TBC1D19: variants seen among roughly 807,000 people sequenced by gnomAD.
TBC1D19 encodes TBC1 domain family member 19.
Under a neutral mutation model 89.0 loss-of-function variants are expected in TBC1D19, and 60 were observed. The ratio of observed to expected loss-of-function variants is 0.67; its 90% CI spans 0.55 to 0.84. TBC1D19 has a LOEUF of 0.84. TBC1D19 is among the 40% of genes least tolerant of loss of function. The pLI is 0.00. For missense variants in TBC1D19, 500 were observed against 610.8 expected, an observed-to-expected ratio of 0.82 and a Z score of 1.91; for synonymous variants, 189 against 199.7, an observed-to-expected ratio of 0.95 and a Z score of 0.45.
At chr4:26,620,567 C>A in intron 3 of TBC1D19, 46 bp from the exon 4 acceptor site, 1 of 1,530,746 alleles carries the variant, frequency 6.5e-7, no homozygotes, top group Non-Finnish European at 9.0e-7. Context: ...TAATATCTAA[C>A]CAAGAGAATA....
rs188936244 is a variant in TBC1D19, at chr4:26,608,646, T to A, written c.100-4523T>A. ...AGTTTTTAAAAAATTCTTTAAATTGTCTTCTCTCCGAATCATTTTCAAATG... is the reference window on the plus strand; with the variant it reads ...AGTTTTTAAAAAATTCTTTAAATTGACTTCTCTCCGAATCATTTTCAAATG... On this transcript the variant is annotated intron_variant, in intron 1 of 20. Transcript: ENST00000264866. Among the ~76,000 whole-genome samples, 117 of 152,284 alleles carry A rather than the reference T, an allele frequency of 7.7e-4. 1 individual carries two copies. The highest frequency in any genetic ancestry group is 2.5e-3 in the African/African-American group (105 of 41,574).
chr4:26,592,873 TGGG>T (rs1739915400), intron 1 of TBC1D19, among the ~76,000 whole-genome samples: 1 of 152,224 alleles, frequency 6.6e-6, no homozygotes, highest in Admixed American at 6.5e-5. Flanking sequence ...TCCATGCTCA[TGGG>T]TGGGAAGAAT....
Position 26,683,675 on chromosome 4 carries a change from G to A in TBC1D19, c.817G>A (p.Asp273Asn). 2 of 1,607,536 alleles carry A rather than the reference G, an allele frequency of 1.2e-6. No individual in the cohort carries two copies. Among genetic ancestry groups the A allele is most frequent in the African/African-American group, 1.3e-5 (1 of 74,684 alleles). ...TTTTTTGTTTTACTTTTAAATTTAG[G>A]ATGTCTTGTATTATGAGCAGCTTAA... ...LILNISSQPE[D>N]VLYYEQLKTN... The change falls in exon 12 of 21, where the codon GAT becomes AAT. Residue 273 changes from aspartate to asparagine, a missense_variant and splice_region_variant. Asp to Asn is a conservative substitution (Grantham distance 23). This residue lies in a region of TBC1D19 where 220 missense variants were observed against 319.1 expected (regional missense o/e 0.69). Coordinates refer to ENST00000264866, the MANE Select transcript of TBC1D19 (RefSeq NM_018317.4).
the TBC1D19 span, among the ~76,000 whole-genome samples, chr4:26,844,592 C>A: frequency 6.6e-6 from 1 of 152,168 alleles, no homozygotes; most frequent in African/African-American, 2.4e-5. Context: ...TTACAAATAT[C>A]CATTATTGTA....
chr4:26,847,260 T>C, the TBC1D19 span, among the ~76,000 whole-genome samples: 6 of 152,136 alleles, frequency 3.9e-5, no homozygotes, highest in Admixed American at 2.0e-4. Flanking sequence ...ATCTATACTA[T>C]TTTAGGTAGT....
chr4:26,742,403 A>G (rs936239651), intron 17 of TBC1D19, 105 bp from the exon 18 acceptor site: 18 of 946,410 alleles, frequency 1.9e-5, no homozygotes, highest in African/African-American at 3.4e-5. Flanking sequence ...TATAAAGAAA[A>G]TTTATGTTGA....
chr4:26,835,582 A>G, the TBC1D19 span, among the ~76,000 whole-genome samples: 1 of 152,150 alleles, frequency 6.6e-6, no homozygotes, highest in Non-Finnish European at 1.5e-5. Context: ...TCCGTTTCCC[A>G]GGTGCACACA....
the TBC1D19 span, among the ~76,000 whole-genome samples, chr4:26,777,385 T>G: frequency 1.3e-5 from 2 of 152,166 alleles, no homozygotes; most frequent in African/African-American, 4.8e-5. Context: ...TCTGCCCACC[T>G]TGGCCTCCCA....
At position 26,638,678 on chromosome 4, in the gene TBC1D19, T is replaced by C. The variant is rs1743292978; in HGVS notation, c.370-93T>C. ...AATTATACTGTTATGGTCATTTATT[T>C]AGCTTTTAAATAAGTTATTGATTCT... is the stretch of plus-strand genomic sequence containing the variant. On this transcript the variant is annotated intron_variant, in intron 5 of 20. Transcript: ENST00000264866. 5 of 946,372 alleles carry C rather than the reference T, an allele frequency of 5.3e-6. No homozygotes were observed. In the Admixed American group the frequency reaches 1.2e-4, roughly 22 times the overall value. The allele number at this position is 946,372 out of a possible 1,614,324, so 58.6% of individuals were successfully genotyped here. A position where few individuals can be genotyped will look rare whatever the true frequency, so the allele number is the denominator to read the frequency against.
At chr4:26,720,178 T>C in intron 15 of TBC1D19, 53 bp downstream of exon 15, 1 of 1,382,058 alleles carries the variant, frequency 7.2e-7, no homozygotes, top group Non-Finnish European at 1.0e-6. Flanking sequence ...ATTACAACTT[T>C]TATAATCAAA....
At chr4:26,771,283 G>A in the TBC1D19 span, among the ~76,000 whole-genome samples, 1 of 151,982 alleles carries the variant, frequency 6.6e-6, no homozygotes, top group Non-Finnish European at 1.5e-5. Flanking sequence ...CAGTATGGAG[G>A]TTCCTCAAAA....
chr4:26,742,484 CT>C, intron 17 of TBC1D19, 23 bp from the exon 18 acceptor site: 1 of 1,535,194 alleles, frequency 6.5e-7, no homozygotes, highest in Non-Finnish European at 8.8e-7. Context: ...ATCTATTTCT[CT>C]TATGATTCAT....
intron 8 of TBC1D19, among the ~76,000 whole-genome samples, chr4:26,663,443 A>T (rs575995408): frequency 1.3e-5 from 2 of 152,338 alleles, no homozygotes; most frequent in South Asian, 4.1e-4. Context: ...AGGCAATTTC[A>T]TATGAATATT....
At chr4:26,759,285 A>G (rs1578027040), downstream of TBC1D19, among the ~76,000 whole-genome samples, 1 of 152,200 alleles carries the variant, frequency 6.6e-6, no homozygotes, top group Non-Finnish European at 1.5e-5. Context: ...TTTAGTAAAT[A>G]TTTATTGAAT....
chr4:26,624,253 C>T (rs1427754562), intron 4 of TBC1D19, among the ~76,000 whole-genome samples: 2 of 152,206 alleles, frequency 1.3e-5, no homozygotes, highest in African/African-American at 4.8e-5. Context: ...GATGGCATCT[C>T]TTCTCTGATG....
chr4:26,698,774 A>G (rs183296140), intron 13 of TBC1D19, among the ~76,000 whole-genome samples: 1 of 152,340 alleles, frequency 6.6e-6, no homozygotes, highest in African/African-American at 2.4e-5. Context: ...AGGATTCCCT[A>G]TTTAATAAAT....
intron 1 of TBC1D19, among the ~76,000 whole-genome samples, chr4:26,588,564 A>G (rs1279245543): frequency 6.6e-6 from 1 of 151,968 alleles, no homozygotes; most frequent in Admixed American, 6.5e-5. Context: ...ATTTCTTTCT[A>G]TGTACTGGTT....
chr4:26,676,608 A>G (rs1027140508), intron 11 of TBC1D19, among the ~76,000 whole-genome samples: 4 of 151,808 alleles, frequency 2.6e-5, no homozygotes, highest in Non-Finnish European at 1.5e-5. Context: ...AATCCCAGCT[A>G]CTTGGGAGGC....
intron 8 of TBC1D19, among the ~76,000 whole-genome samples, chr4:26,660,042 T>A (rs909618029): frequency 3.9e-5 from 6 of 152,200 alleles, no homozygotes; most frequent in African/African-American, 7.2e-5. Flanking sequence ...AGATTATTTT[T>A]AAAAAAGTAC....
Sources: gnomAD v4.1 joint callset for allele counts (sites outside exome capture counted in the v4.1 genomes callset) on GRCh38, gnomAD v4.1.1 for gene constraint, gnomAD v4.1.1 regional missense constraint, MANE v1.5 for transcripts, NCBI Gene and HGNC (gene_info 2026-07-23, HGNC 2026-07-21) for gene names.